MARK1: variants seen among roughly 807,000 people sequenced by gnomAD.
MARK1 encodes serine/threonine-protein kinase MARK1.
Under a neutral mutation model 96.3 loss-of-function variants are expected in MARK1, and 40 were observed. The observed-to-expected ratio is 0.42, with a 90% confidence interval of 0.32 to 0.54. The LOEUF (loss-of-function observed/expected upper bound fraction) is 0.54. Among genes scored for constraint, MARK1 ranks in the 20% least tolerant of loss-of-function variants. The pLI is 0.16. For synonymous variants in MARK1, 317 were observed against 341.2 expected (o/e 0.93, Z 0.78); for missense variants, 719 against 984.6 (o/e 0.73, Z 3.61).
chr1:220,627,648 C>G (rs1667427053), intron 9 of MARK1: 1 of 179,550 alleles, frequency 5.6e-6, no homozygotes, highest in African/African-American at 2.4e-5. Context: ...GCCTTGCCAC[C>G]CATCCTTCCA....
chr1:220,582,783 C>T (rs983114529), intron 3 of MARK1, among the ~76,000 whole-genome samples: 1 of 152,160 alleles, frequency 6.6e-6, no homozygotes, highest in Non-Finnish European at 1.5e-5. Flanking sequence ...TAATTTCTGT[C>T]ATAAAATCTA....
chr1:220,583,814 ATTTTTTTTTTTT>A (rs34848222), intron 3 of MARK1, among the ~76,000 whole-genome samples: 3 of 105,206 alleles, frequency 2.9e-5, no homozygotes, highest in Non-Finnish European at 3.7e-5. Context: ...TGCCTGGCTA[ATTTTTTTTTTTT>A]TTTTTTTTTT....
At chr1:220,631,857 C>T (rs576382609) in intron 10 of MARK1, among the ~76,000 whole-genome samples, 3 of 152,116 alleles carry the variant, frequency 2.0e-5, no homozygotes, top group South Asian at 2.1e-4. Flanking sequence ...TAGCTGAGGA[C>T]GAATTGAGAG....
chr1:220,586,419 T>C (rs1375255984), intron 3 of MARK1, among the ~76,000 whole-genome samples: 1 of 152,176 alleles, frequency 6.6e-6, no homozygotes, highest in Non-Finnish European at 1.5e-5. Context: ...GGGAAACCTT[T>C]CCTATTCCCC....
chr1:220,536,616 C>T (rs775500484), intron 1 of MARK1, among the ~76,000 whole-genome samples: 21 of 151,320 alleles, frequency 1.4e-4, no homozygotes, highest in African/African-American at 3.2e-4. Flanking sequence ...AGTGCAGTGG[C>T]GCAATCTCAG....
At chr1:220,594,018 C>T (rs1665163201) in intron 3 of MARK1, among the ~76,000 whole-genome samples, 1 of 152,204 alleles carries the variant, frequency 6.6e-6, no homozygotes. Flanking sequence ...GCTCCCTCTG[C>T]CCAGGACCTC....
intron 5 of MARK1, among the ~76,000 whole-genome samples, chr1:220,601,241 A>T (rs1483066072): frequency 1.3e-5 from 2 of 151,518 alleles, no homozygotes. Context: ...AAACTACTAT[A>T]GATGTTAATA....
In MARK1 at chr1:220,618,670, G is replaced by A. The variant is rs759123949; in HGVS notation, c.824G>A (p.Arg275His). The A allele has an allele frequency of 1.2e-6, 2 of 1,612,798 alleles. No homozygotes were observed. The highest frequency in any genetic ancestry group is 1.7e-6 in the Non-Finnish European group (2 of 1,179,110). The change falls in exon 9 of 18, where the codon CGT becomes CAT. Residue 275 changes from arginine (R) to histidine (H), a missense_variant. Around this residue, in one of 4 missense-constraint regions of MARK1, gnomAD observed 96 missense variants for 213.1 expected, o/e 0.45. Transcript: ENST00000366917. This position sits in a 1 kb window ranked among gnomAD's most constrained non-coding sequence, Gnocchi z 4.6. Reference protein sequence around the residue: ...LRERVLRGKYRIPFYMSTDCE... With the variant: ...LRERVLRGKYHIPFYMSTDCE... ...GAGCGAGTTTTACGAGGGAAGTACCGTATTCCCTTCTATATGTCCACAGAC... is the reference window on the plus strand; with the variant it reads ...GAGCGAGTTTTACGAGGGAAGTACCATATTCCCTTCTATATGTCCACAGAC...
intron 6 of MARK1, among the ~76,000 whole-genome samples, chr1:220,610,578 C>T (rs1666384821): frequency 6.6e-6 from 1 of 152,170 alleles, no homozygotes; most frequent in East Asian, 1.9e-4. Context: ...GTTCTCCGTC[C>T]AGCTTTGTTC....
chr1:220,539,012 A>T (rs1326186902), intron 1 of MARK1, among the ~76,000 whole-genome samples: 37 of 152,220 alleles, frequency 2.4e-4, no homozygotes. Flanking sequence ...TGTCATCTGC[A>T]AACACGGACA....
At chr1:220,643,143 A>G (rs1444096679) in intron 13 of MARK1, among the ~76,000 whole-genome samples, 3 of 152,240 alleles carry the variant, frequency 2.0e-5, no homozygotes, top group Non-Finnish European at 4.4e-5. Flanking sequence ...AAAGTGGGTA[A>G]TAATGAACTT....
At chr1:220,600,256 T>G (rs1022093805) in intron 5 of MARK1, among the ~76,000 whole-genome samples, 4 of 152,190 alleles carry the variant, frequency 2.6e-5, no homozygotes, top group African/African-American at 9.6e-5. Context: ...AGGTCAGTGT[T>G]TATTTCACTG....
In MARK1 at chr1:220,653,142, G is replaced by A. The variant is rs765412716; in HGVS notation, c.1778G>A (p.Ser593Asn). 5 of 1,614,222 alleles carry A rather than the reference G, an allele frequency of 3.1e-6. No individual in the cohort carries two copies. The highest frequency in any genetic ancestry group is 4.2e-6 in the Non-Finnish European group (5 of 1,180,034). ...CCTGCTGCTTCCCCATCTGCTCACA[G>A]TATTAGTACTGCGACTCCAGACCGG... ...RVPAASPSAH[S>N]ISTATPDRTR... The change falls in exon 16 of 18, where the codon AGT becomes AAT. Residue 593 changes from serine (S) to asparagine (N), a missense_variant. Ser to Asn is a conservative substitution (Grantham distance 46, BLOSUM62 1). Transcript: ENST00000366917.
At chr1:220,530,038 T>C (rs765899473) in intron 1 of MARK1, among the ~76,000 whole-genome samples, 15 of 152,104 alleles carry the variant, frequency 9.9e-5, no homozygotes, top group African/African-American at 2.7e-4. Flanking sequence ...ACAAAAGGCA[T>C]GAGAGAAAGG....
intron 6 of MARK1, among the ~76,000 whole-genome samples, chr1:220,608,808 T>C (rs1666250289): frequency 6.6e-6 from 1 of 152,238 alleles, no homozygotes; most frequent in Non-Finnish European, 1.5e-5. Flanking sequence ...TTCATTTTGT[T>C]ATTCACCCAA....
chr1:220,608,587 G>A (rs1272994667), intron 6 of MARK1, among the ~76,000 whole-genome samples: 1 of 151,836 alleles, frequency 6.6e-6, no homozygotes, highest in East Asian at 1.9e-4. Flanking sequence ...GTTATTTCTT[G>A]CCTTCTGCTA....
At chr1:220,638,116 A>AGT (rs1668071123) in intron 13 of MARK1, among the ~76,000 whole-genome samples, 1 of 141,194 alleles carries the variant, frequency 7.1e-6, no homozygotes, top group African/African-American at 3.2e-5. Context: ...ATGGGGCTTA[A>AGT]ATTTTTTTTT....
At chr1:220,650,892 T>TG (rs1164049940) in intron 14 of MARK1, among the ~76,000 whole-genome samples, 172 bp downstream of exon 14, 1 of 152,224 alleles carries the variant, frequency 6.6e-6, no homozygotes, top group Non-Finnish European at 1.5e-5. Context: ...GATAGAAGGA[T>TG]GGGAAAACAT....
At chr1:220,579,695 G>A (rs986980992) in intron 2 of MARK1, 138 bp downstream of exon 2, 30 of 651,094 alleles carry the variant, frequency 4.6e-5, no homozygotes, top group South Asian at 1.3e-4. Context: ...TGGAACATTA[G>A]TAGGCAGAGG....
Sources: allele counts gnomAD v4.1 joint callset (sites outside exome capture counted in the v4.1 genomes callset), GRCh38; gene constraint gnomAD v4.1.1; regional missense constraint gnomAD v4.1.1; non-coding constraint Gnocchi (gnomAD v3.1); transcripts MANE v1.5; gene names NCBI Gene and HGNC (gene_info 2026-07-23, HGNC 2026-07-21).